Variants in SLC7A5 observed in about 807,000 individuals in gnomAD.
SLC7A5 encodes solute carrier family 7 member 5, also known as large neutral amino acids transporter small subunit 1.
SLC7A5 carries 23 observed loss-of-function variants against 50.2 expected under a neutral mutation model. The ratio of observed to expected loss-of-function variants is 0.46; its 90% CI spans 0.33 to 0.65. The LOEUF is 0.65. Ranked by LOEUF, SLC7A5 falls within the 30% of genes least tolerant of loss-of-function variation. SLC7A5 has a pLI of 0.02. For synonymous variants in SLC7A5, 393 were observed against 330.6 expected (o/e 1.19, Z -2.05); for missense variants, 578 against 684.4 (o/e 0.84, Z 1.73).
chr16:87,848,503 G>T (rs1187070614), intron 2 of SLC7A5, among the ~76,000 whole-genome samples: 1 of 152,212 alleles, frequency 6.6e-6, no homozygotes, highest in Non-Finnish European at 1.5e-5. Flanking sequence ...CTTTCGAAAA[G>T]GCTGGGACTA....
In SLC7A5 at chr16:87,832,969, G is replaced by A. The variant is rs750806434; in HGVS notation, c.*1C>T. On this transcript the variant is annotated 3_prime_UTR_variant, in exon 10 of 10. Coordinates refer to ENST00000261622, the MANE Select transcript of SLC7A5 (RefSeq NM_003486.7). The surrounding 1 kb of genome is among the most constrained non-coding windows in gnomAD (Gnocchi z 4.6). ...CCTCCGGCAGCCACTCGGCCTCCTGGCTATGTCTCCTGGGGGACCACCTGC... is the reference window on the plus strand; with the variant it reads ...CCTCCGGCAGCCACTCGGCCTCCTGACTATGTCTCCTGGGGGACCACCTGC... 58 of 1,613,172 alleles carry A rather than the reference G, an allele frequency of 3.6e-5. No homozygotes were observed. The highest frequency in any genetic ancestry group is 4.7e-5 in the Non-Finnish European group (56 of 1,179,382).
At chr16:87,840,188 C>G (rs1477093769) in intron 4 of SLC7A5, among the ~76,000 whole-genome samples, 3 of 152,234 alleles carry the variant, frequency 2.0e-5, no homozygotes, top group Non-Finnish European at 2.9e-5. Context: ...CCAGGCAGCT[C>G]CTCTGTACCG....
chr16:87,836,469 C>T, intron 8 of SLC7A5, 29 bp downstream of exon 8: 1 of 1,604,780 alleles, frequency 6.2e-7, no homozygotes. Context: ...GTGAAGGGTG[C>T]CTGGGTGAGC....
intron 2 of SLC7A5, among the ~76,000 whole-genome samples, chr16:87,849,738 G>A (rs769199533): frequency 6.6e-6 from 1 of 152,142 alleles, no homozygotes; most frequent in Non-Finnish European, 1.5e-5. Context: ...CGGAACCTGA[G>A]GTCCCAGGAA....
chr16:87,866,642 T>G (rs1870850996), intron 1 of SLC7A5, among the ~76,000 whole-genome samples: 1 of 152,082 alleles, frequency 6.6e-6, no homozygotes, highest in Admixed American at 6.5e-5. Flanking sequence ...ATTTTTTGTA[T>G]TTTTAGTAGA....
intron 8 of SLC7A5, among the ~76,000 whole-genome samples, chr16:87,836,155 G>A (rs1002740622): frequency 5.9e-5 from 9 of 152,228 alleles, no homozygotes; most frequent in African/African-American, 9.6e-5. Flanking sequence ...CAGCCCCGAC[G>A]GCCCTTTGAA....
intron 1 of SLC7A5, among the ~76,000 whole-genome samples, chr16:87,854,305 G>C (rs778637879): frequency 1.3e-5 from 2 of 152,118 alleles, no homozygotes; most frequent in Non-Finnish European, 2.9e-5. Context: ...TTTATAACAA[G>C]AACATAAATT....
rs562947429 is a variant in SLC7A5, at chr16:87,860,934, C to T, written c.538+7951G>A. Among the ~76,000 whole-genome samples, 26 of 152,342 alleles carry T rather than the reference C, an allele frequency of 1.7e-4. No homozygotes were observed. The highest frequency in any genetic ancestry group is 5.0e-4 in the African/African-American group (21 of 41,588). ...CCTCCCACACTCCCGGAGGCACGCA[C>T]GTGCTGTGGCCACCCCGGAGGGTCC... On this transcript the variant is annotated intron_variant, in intron 1 of 9. Coordinates refer to ENST00000261622, the MANE Select transcript of SLC7A5 (RefSeq NM_003486.7). The surrounding 1 kb of genome is among the most constrained non-coding windows in gnomAD (Gnocchi z 4.8).
intron 2 of SLC7A5, among the ~76,000 whole-genome samples, chr16:87,846,807 G>A (rs761467479): frequency 3.2e-4 from 48 of 152,240 alleles, no homozygotes; most frequent in Non-Finnish European, 1.3e-4. Flanking sequence ...CGGAGAAAGC[G>A]GCAGTCAGGG....
intron 1 of SLC7A5, among the ~76,000 whole-genome samples, chr16:87,855,590 C>T (rs1483140813): frequency 6.6e-6 from 1 of 151,980 alleles, no homozygotes; most frequent in Non-Finnish European, 1.5e-5. Flanking sequence ...TGAACGCTCA[C>T]CTCTGCGGCA....
intron 2 of SLC7A5, among the ~76,000 whole-genome samples, chr16:87,846,445 C>T (rs1297338123): frequency 6.6e-6 from 1 of 152,252 alleles, no homozygotes; most frequent in African/African-American, 2.4e-5. Flanking sequence ...GAAGCTCCAT[C>T]CTGTCCCCCA....
At chr16:87,839,641 A>T (rs750950) in intron 5 of SLC7A5, 61 bp downstream of exon 5, 9 of 1,608,172 alleles carry the variant, frequency 5.6e-6, no homozygotes, top group Non-Finnish European at 7.6e-6. Context: ...TCCGGTCTGG[A>T]AGGGACGGGC....
chr16:87,846,442 C>T (rs1411953383), intron 2 of SLC7A5, among the ~76,000 whole-genome samples: 2 of 152,246 alleles, frequency 1.3e-5, no homozygotes, highest in Admixed American at 1.3e-4. Flanking sequence ...CCCGAAGCTC[C>T]ATCCTGTCCC....
At chr16:87,863,986 A>AAAAAAAAAAAAAAT (rs376938738) in intron 1 of SLC7A5, among the ~76,000 whole-genome samples, 1 of 83,280 alleles carries the variant, frequency 1.2e-5, no homozygotes, top group African/African-American at 3.9e-5. Context: ...ATCATTTAAA[A>AAAAAAAAAAAAAAT]ATATATATAT....
chr16:87,844,677 A>G (rs1162896417), intron 2 of SLC7A5, among the ~76,000 whole-genome samples: 1 of 152,118 alleles, frequency 6.6e-6, no homozygotes, highest in Non-Finnish European at 1.5e-5. Flanking sequence ...GTGGAGATGG[A>G]GGGCATCCCG....
chr16:87,864,111 G>C (rs1415959832), intron 1 of SLC7A5, among the ~76,000 whole-genome samples: 2 of 149,194 alleles, frequency 1.3e-5, no homozygotes, highest in African/African-American at 2.5e-5. Context: ...GGCCAACGTG[G>C]AGAAACCCTG....
rs1029489921 is a variant in SLC7A5 at position 87,841,965 on chromosome 16, C to T, written c.665-810G>A. Reference sequence around the variant, plus strand: ...GGGAAGGGGTGTCTCCGGAAGGTCACGTGGCTGCTGGGACAGCACTGGCCC... The same window carrying T: ...GGGAAGGGGTGTCTCCGGAAGGTCATGTGGCTGCTGGGACAGCACTGGCCC... On this transcript the variant is annotated intron_variant, in intron 2 of 9. Coordinates refer to ENST00000261622, the MANE Select transcript of SLC7A5 (RefSeq NM_003486.7). The surrounding 1 kb of genome is among the most constrained non-coding windows in gnomAD (Gnocchi z 4.8). Among the ~76,000 whole-genome samples the T allele has an allele frequency of 3.9e-5, 6 of 152,224 alleles. No homozygotes were observed. The highest frequency in any genetic ancestry group is 1.2e-4 in the African/African-American group (5 of 41,452).
chr16:87,843,779 C>T (rs931519432), intron 2 of SLC7A5, among the ~76,000 whole-genome samples: 2 of 152,174 alleles, frequency 1.3e-5, no homozygotes, highest in Non-Finnish European at 2.9e-5. Context: ...CACCCCCACA[C>T]AACAGAGAGC....
intron 3 of SLC7A5, 63 bp from the exon 4 acceptor site, chr16:87,840,536 G>A: frequency 7.2e-7 from 1 of 1,393,000 alleles, no homozygotes; most frequent in Non-Finnish European, 1.0e-6. Flanking sequence ...AATCACCGGG[G>A]AGAGAGCATC....
Sources: gnomAD v4.1 joint callset for allele counts (sites outside exome capture counted in the v4.1 genomes callset) on GRCh38, gnomAD v4.1.1 for gene constraint, Gnocchi (gnomAD v3.1) non-coding constraint, MANE v1.5 for transcripts, NCBI Gene and HGNC (gene_info 2026-07-23, HGNC 2026-07-21) for gene names.